The following PTBP3 variants were observed in gnomAD, a reference collection of about 807,000 sequenced individuals.
PTBP3 encodes polypyrimidine tract-binding protein 3.
A neutral mutation model predicts 58.7 loss-of-function variants in PTBP3; 20 were observed. That is an observed-to-expected ratio of 0.34 (90% confidence interval 0.24 to 0.50). The LOEUF is 0.50. Among genes scored for constraint, PTBP3 ranks in the 20% least tolerant of loss-of-function variants. PTBP3 has a pLI of 0.98. For synonymous variants in PTBP3, 185 were observed against 219.8 expected (o/e 0.84, Z 1.40); for missense variants, 509 against 637.2 (o/e 0.80, Z 2.17).
At chr9:112,290,738 A>ACACACACACAC (rs1564438731) in intron 2 of PTBP3, among the ~76,000 whole-genome samples, 10 of 148,532 alleles carry the variant, frequency 6.7e-5, no homozygotes, top group East Asian at 2.0e-4. Flanking sequence ...ACACACACAC[A>ACACACACACAC]ATCAAGTGTT....
intron 1 of PTBP3, among the ~76,000 whole-genome samples, chr9:112,316,842 T>C (rs1829723428): frequency 6.6e-6 from 1 of 151,672 alleles, no homozygotes; most frequent in Non-Finnish European, 1.5e-5. Flanking sequence ...CATGGTGGTG[T>C]GCACCTGTAA....
At chr9:112,313,679 C>G (rs565454284) in intron 1 of PTBP3, among the ~76,000 whole-genome samples, 12 of 152,284 alleles carry the variant, frequency 7.9e-5, no homozygotes, top group Admixed American at 3.3e-4. Flanking sequence ...AGATAACTTA[C>G]AACATGGCAG....
At chr9:112,365,565 C>T in the PTBP3 span, among the ~76,000 whole-genome samples, 19 of 152,114 alleles carry the variant, frequency 1.2e-4, no homozygotes, top group African/African-American at 3.6e-4. Context: ...GTAAATTGTC[C>T]AGTCTTGGGT....
At chr9:112,276,160 G>A (rs1003644066) in intron 2 of PTBP3, 147 bp from the exon 3 acceptor site, 73 of 669,662 alleles carry the variant, frequency 1.1e-4, no homozygotes, top group Admixed American at 1.3e-4. Flanking sequence ...GGTGGAAAAG[G>A]AGAGTAGAAA....
the PTBP3 span, among the ~76,000 whole-genome samples, chr9:112,347,022 C>A: frequency 1.3e-5 from 2 of 152,176 alleles, no homozygotes; most frequent in Non-Finnish European, 2.9e-5. Flanking sequence ...CAATTATAAT[C>A]CTAGATGTAT....
intron 5 of PTBP3, among the ~76,000 whole-genome samples, chr9:112,257,940 CA>C (rs56934009): frequency 1.2e-3 from 138 of 119,312 alleles, no homozygotes; most frequent in Admixed American, 2.8e-3. Context: ...GACTCCATCT[CA>C]AAAAAAAAAA....
chr9:112,298,109 A>G (rs1229486879), intron 1 of PTBP3, among the ~76,000 whole-genome samples, 193 bp from the exon 2 acceptor site: 1 of 152,206 alleles, frequency 6.6e-6, no homozygotes, highest in African/African-American at 2.4e-5. Flanking sequence ...AACTATATAA[A>G]CACAACTGCC....
chr9:112,330,512 AGTT>A, intron 1 of PTBP3: 2 of 1,411,530 alleles, frequency 1.4e-6, no homozygotes, highest in Middle Eastern at 3.6e-4. Context: ...TGGAAAACAA[AGTT>A]AGAGAACAAG....
the PTBP3 span, among the ~76,000 whole-genome samples, chr9:112,354,491 C>A: frequency 1.3e-5 from 2 of 152,226 alleles, no homozygotes; most frequent in Non-Finnish European, 2.9e-5. Context: ...GAAAAGCAAA[C>A]CTCCTCTCCA....
chr9:112,292,745 G>A (rs570942292), intron 2 of PTBP3, among the ~76,000 whole-genome samples: 15 of 152,270 alleles, frequency 9.9e-5, no homozygotes, highest in African/African-American at 3.4e-4. Flanking sequence ...GAAACAGAAA[G>A]CAGAATGGGC....
At chr9:112,240,888 TG>T (rs1835632461) in intron 7 of PTBP3, among the ~76,000 whole-genome samples, 1 of 152,006 alleles carries the variant, frequency 6.6e-6, no homozygotes, top group South Asian at 2.1e-4. Flanking sequence ...AACTAAAAGT[TG>T]AAAAAAGTTT....
At chr9:112,343,211 A>ATT in the PTBP3 span, among the ~76,000 whole-genome samples, 2 of 44,444 alleles carry the variant, frequency 4.5e-5, no homozygotes, top group Non-Finnish European at 7.4e-5. Context: ...CACTCTGAAC[A>ATT]ATTTTTTTTT....
At chr9:112,366,218 G>A in the PTBP3 span, among the ~76,000 whole-genome samples, 5 of 151,766 alleles carry the variant, frequency 3.3e-5, no homozygotes, top group African/African-American at 9.7e-5. Flanking sequence ...AGGAAGCGGA[G>A]ATTGCAGTGA....
intron 2 of PTBP3, among the ~76,000 whole-genome samples, chr9:112,290,733 C>CACACACAT (rs1398814034): frequency 1.5e-4 from 23 of 148,656 alleles, no homozygotes; most frequent in Non-Finnish European, 2.8e-4. Context: ...CACACACACA[C>CACACACAT]ACACAATCAA....
At chr9:112,363,393 C>T in the PTBP3 span, among the ~76,000 whole-genome samples, 206 of 151,992 alleles carry the variant, frequency 1.4e-3, no homozygotes, top group African/African-American at 4.7e-3. Context: ...AAAATACCAG[C>T]CTGTAGTCCC....
chr9:112,323,295 T>C (rs1830025559), intron 1 of PTBP3, among the ~76,000 whole-genome samples: 1 of 152,212 alleles, frequency 6.6e-6, no homozygotes. Context: ...AAATCCTGCC[T>C]CCTGGAATCA....
intron 7 of PTBP3, among the ~76,000 whole-genome samples, chr9:112,238,447 G>T (rs575021394): frequency 6.6e-6 from 1 of 152,120 alleles, no homozygotes; most frequent in Non-Finnish European, 1.5e-5. Flanking sequence ...GACAGTATGG[G>T]GGTATAACAT....
At chr9:112,279,754 TGA>T (rs888211768) in intron 2 of PTBP3, among the ~76,000 whole-genome samples, 5 of 152,186 alleles carry the variant, frequency 3.3e-5, no homozygotes, top group African/African-American at 1.2e-4. Context: ...AACATTTTTT[TGA>T]GTCATCTAAA....
rs1424962786 is a variant in PTBP3, at chr9:112,261,459, G to C, written c.516+976C>G. On this transcript the variant is annotated intron_variant, in intron 5 of 13. Coordinates refer to ENST00000374257, the MANE Select transcript of PTBP3 (RefSeq NM_001163788.4). ...TCTTTATTCGTAAAATGTGAGCCTA[G>C]AGTAAGATGTATTTCAATTCTTACA... 2.0e-5 allele frequency among the ~76,000 whole-genome samples: 3 copies of C among 152,254 alleles called. No individual in the cohort carries two copies. The East Asian group carries it at 5.8e-4, about 29-fold the overall frequency.
Sources: allele counts gnomAD v4.1 joint callset (sites outside exome capture counted in the v4.1 genomes callset), GRCh38; gene constraint gnomAD v4.1.1; transcripts MANE v1.5; gene names NCBI Gene and HGNC (gene_info 2026-07-23, HGNC 2026-07-21).